The following CSF1R variants were observed in gnomAD, a reference collection of about 807,000 sequenced individuals.
CSF1R encodes macrophage colony-stimulating factor 1 receptor.
Under a neutral mutation model 110.0 loss-of-function variants are expected in CSF1R, and 40 were observed. The observed-to-expected ratio is 0.36, with a 90% CI of 0.28 to 0.47. The LOEUF (loss-of-function observed/expected upper bound fraction) is 0.47, where lower values mean the gene tolerates loss of function less well. CSF1R is among the 20% of genes least tolerant of loss of function. The pLI, the probability that CSF1R is intolerant of heterozygous loss-of-function variation, is 0.99. For missense variants in CSF1R, 1,052 were observed against 1,253.0 expected, an observed-to-expected ratio of 0.84 and a Z score of 2.42; for synonymous variants, 523 against 503.4, an observed-to-expected ratio of 1.04 and a Z score of -0.52.
At chr5:150,094,322 G>A (rs1182748127) in intron 1 of CSF1R, 5 of 1,597,392 alleles carry the variant, frequency 3.1e-6, no homozygotes, top group African/African-American at 1.3e-5. Flanking sequence ...TAGAAGAGAA[G>A]AAGAAGGAGG....
rs763207378 is a variant in CSF1R, at chr5:150,059,718, T to G, written c.2114A>C (p.Glu705Ala). ...GGGCTACCTGCGGACATATTTCTTC[T>G]CGAGGTGGATGTTCTTATAGTCGAC... ...GGVDYKNIHL[E>A]KKYVRRDSGF... Residue 705 changes from glutamate (E) to alanine (A), a missense_variant, in exon 14 of 21, where the codon GAG (glutamate) becomes GCG (alanine). Physicochemically the swap from Glu to Ala is moderately radical, Grantham distance 107. This residue lies in a region of CSF1R where 124 missense variants were observed against 117.7 expected (regional missense o/e 1.05). Coordinates refer to ENST00000675795, the MANE Select transcript of CSF1R (RefSeq NM_001288705.3). The G allele has an allele frequency of 6.2e-7, 1 of 1,613,972 alleles. No homozygotes were observed. The highest frequency in any genetic ancestry group is 8.5e-7 in the Non-Finnish European group (1 of 1,179,858).
rs1244467205 is a variant in CSF1R at position 150,080,271 on chromosome 5, G to A, written c.373C>T (p.Leu125=). The A allele has an allele frequency of 6.2e-7, 1 of 1,614,042 alleles. No homozygotes were observed. The highest frequency in any genetic ancestry group is 8.5e-7 in the Non-Finnish European group (1 of 1,180,050). ...ACCGGGTCTGTGAGCAGACAGGGCAGTAGTGCGTCCTGGTCCTCGAACACG... is the reference window on the plus strand; with the variant it reads ...ACCGGGTCTGTGAGCAGACAGGGCAATAGTGCGTCCTGGTCCTCGAACACG... ...VVVFEDQDAL[L]PCLLTDPVLE... The change falls in exon 3 of 21, where the codon CTG becomes TTG. Residue 125 remains leucine (L), a synonymous_variant. Coordinates refer to ENST00000675795, the MANE Select transcript of CSF1R (RefSeq NM_001288705.3).
At chr5:150,074,914 C>A (rs1758197987) in intron 5 of CSF1R, among the ~76,000 whole-genome samples, 1 of 152,196 alleles carries the variant, frequency 6.6e-6, no homozygotes, top group Admixed American at 6.5e-5. Context: ...TCATTCCAAC[C>A]TTGGAGGTTT....
intron 6 of CSF1R, among the ~76,000 whole-genome samples, chr5:150,072,902 T>G (rs1408274994): frequency 6.6e-6 from 1 of 152,196 alleles, no homozygotes; most frequent in African/African-American, 2.4e-5. Flanking sequence ...AGCTTTTGTA[T>G]GTAGCAGATA....
chr5:150,093,971 G>C (rs1424358455), intron 1 of CSF1R, among the ~76,000 whole-genome samples: 2 of 151,756 alleles, frequency 1.3e-5, no homozygotes, highest in Non-Finnish European at 2.9e-5. Flanking sequence ...GCTGAGGCAG[G>C]AGAAGTGCTT....
rs908304336 is a variant in CSF1R, at chr5:150,060,142, A to T, written c.1970-280T>A. Among the ~76,000 whole-genome samples the T allele has an allele frequency of 2.6e-5, 4 of 152,036 alleles. No individual in the cohort carries two copies. In the East Asian group the frequency reaches 7.7e-4, roughly 29 times the overall value. Reference sequence around the variant, plus strand: ...GGAGATCGAGACCATCCTGGCTAACATGGTGAAACCCCATCTCTACAAAAA... The same window carrying T: ...GGAGATCGAGACCATCCTGGCTAACTTGGTGAAACCCCATCTCTACAAAAA... On this transcript the variant is annotated intron_variant, in intron 13 of 20. Coordinates refer to ENST00000675795, the MANE Select transcript of CSF1R (RefSeq NM_001288705.3).
rs1176873652 is a variant in CSF1R at position 150,062,339 on chromosome 5, A to T, written c.1627-490T>A. Among the ~76,000 whole-genome samples, 2 of 146,758 alleles carry T rather than the reference A, an allele frequency of 1.4e-5. 1 individual carries two copies. Among genetic ancestry groups the T allele is most frequent in the East Asian group, 3.9e-4 (2 of 5,074 alleles). On this transcript the variant is annotated intron_variant, in intron 10 of 20. Coordinates refer to ENST00000675795, the MANE Select transcript of CSF1R (RefSeq NM_001288705.3). ...TGTATGGTTCAGTAGTATTAAGTAA[A>T]TTACATTCTACCTTGTGCAACCAGT...
chr5:150,070,066 G>C lies in CSF1R; in HGVS notation c.1320-3C>G. Reference sequence around the variant, plus strand: ...GCAGCACTTGGGCCTCATCACACCTGGCAAAAGCAGAATGTGGCTCAGAGC... The same window carrying C: ...GCAGCACTTGGGCCTCATCACACCTCGCAAAAGCAGAATGTGGCTCAGAGC... On this transcript the variant is annotated splice_region_variant and splice_polypyrimidine_tract_variant and intron_variant, in intron 8 of 20. Transcript: ENST00000675795. 1 of 1,613,148 alleles carries C rather than the reference G, an allele frequency of 6.2e-7. No homozygotes were observed. Among genetic ancestry groups the C allele is most frequent in the Non-Finnish European group, 8.5e-7 (1 of 1,179,344 alleles).
At position 150,054,041 on chromosome 5, in the gene CSF1R, G is replaced by T. The variant is rs1451811067; in HGVS notation, c.*28C>A. 3 of 1,610,386 alleles carry T rather than the reference G, an allele frequency of 1.9e-6. No homozygotes were observed. Among genetic ancestry groups the T allele is most frequent in the Admixed American group, 3.3e-5 (2 of 59,878 alleles). ...GGAGGAGTTGAAGTTTGTGGGAGGG[G>T]AGAGTGGTACTCCCTGTCGTCAACT... is the stretch of plus-strand genomic sequence containing the variant. On this transcript the variant is annotated 3_prime_UTR_variant, in exon 21 of 21. Coordinates refer to ENST00000675795, the MANE Select transcript of CSF1R (RefSeq NM_001288705.3).
rs150988615 is a variant in CSF1R, at chr5:150,070,184, A to G, written c.1317T>C (p.Asp439=). 70 of 1,613,728 alleles carry G rather than the reference A, an allele frequency of 4.3e-5. 1 individual carries two copies. The African/African-American group carries it at 7.6e-4, about 18-fold the overall frequency. ...VTWLQCSGHT[D]RCDEAQVLQV... ...GGAGGTGAGTGGAGCCCACTTACCT[A>G]TCAGTGTGGCCACTGCACTGCAGCC... Residue 439 remains aspartate (D), a splice_region_variant and synonymous_variant, in exon 8 of 21, where the codon GAT becomes GAC. Coordinates refer to ENST00000675795, the MANE Select transcript of CSF1R (RefSeq NM_001288705.3).
chr5:150,053,783 T>G lies in CSF1R; in HGVS notation c.*286A>C, dbSNP rs1324833220. The G allele has an allele frequency of 1.9e-6, 1 of 517,372 alleles. No homozygotes were observed. Among genetic ancestry groups the G allele is most frequent in the African/African-American group, 1.9e-5 (1 of 52,260 alleles). The allele number at this position is 517,372 out of a possible 1,614,324, so 32.0% of individuals were successfully genotyped here. ...AGATAAGGGGATTAGGAAAGAAGGT[T>G]CTACTAGTTGGCATAGCAAACACGA... is the stretch of plus-strand genomic sequence containing the variant. On this transcript the variant is annotated 3_prime_UTR_variant, in exon 21 of 21. Transcript: ENST00000675795.
chr5:150,073,125 C>T (rs1758097239), intron 6 of CSF1R, among the ~76,000 whole-genome samples, 176 bp downstream of exon 6: 1 of 152,180 alleles, frequency 6.6e-6, no homozygotes, highest in Non-Finnish European at 1.5e-5. Context: ...AGATCTCAAA[C>T]ACAGATGACC....
In CSF1R at chr5:150,070,026, G is replaced by C; in HGVS notation, c.1357C>G (p.Pro453Ala). 6.2e-7 allele frequency: 1 copy of C among 1,614,086 alleles called. No individual in the cohort carries two copies. Residue 453 changes from proline (P) to alanine (A), a missense_variant, in exon 9 of 21, where the codon CCA (proline) becomes GCA (alanine). Physicochemically the swap from Pro to Ala is conservative, Grantham distance 27. Around this residue, in one of 5 missense-constraint regions of CSF1R, gnomAD observed 693 missense variants for 735.4 expected, o/e 0.94. Transcript: ENST00000675795. ...EAQVLQVWDD[P>A]YPEVLSQEPF... is the part of the protein sequence containing the mutation. The stretch of plus-strand genomic sequence containing the variant: ...TCCTGGCTCAGGACCTCAGGGTATG[G>C]GTCATCCCAGACCTGCAGCACTTGG...
At chr5:150,059,216 G>T (rs1757385713) in intron 14 of CSF1R, among the ~76,000 whole-genome samples, 1 of 152,104 alleles carries the variant, frequency 6.6e-6, no homozygotes, top group South Asian at 2.1e-4. Context: ...GGCTAATTTT[G>T]TATATTTAAT....
upstream of CSF1R, among the ~76,000 whole-genome samples, chr5:150,087,101 G>T (rs537886755): frequency 1.3e-5 from 2 of 152,282 alleles, no homozygotes; most frequent in African/African-American, 4.8e-5. Context: ...GAGATCTGAC[G>T]TTATCTCTAG....
rs1292557169 is a variant in CSF1R at position 150,068,310 on chromosome 5, C to G, written c.1531G>C (p.Asp511His). Reference sequence around the variant, plus strand: ...ACCACTGGTGTGAAGAGGAACTCATCCGGGGGATGCGTGTGGGCTCCTGGA... The same window carrying G: ...ACCACTGGTGTGAAGAGGAACTCATGCGGGGGATGCGTGTGGGCTCCTGGA... ...ISAGAHTHPP[D>H]EFLFTPVVVA... Residue 511 changes from aspartate to histidine, a missense_variant, in exon 10 of 21, where the codon GAT becomes CAT. Transcript: ENST00000675795. The G allele has an allele frequency of 6.2e-7, 1 of 1,612,804 alleles. No homozygotes were observed. Among genetic ancestry groups the G allele is most frequent in the Admixed American group, 1.7e-5 (1 of 59,998 alleles).
At chr5:150,101,454 T>TA (rs1759400692) in intron 1 of CSF1R, among the ~76,000 whole-genome samples, 3 of 152,116 alleles carry the variant, frequency 2.0e-5, no homozygotes, top group African/African-American at 7.2e-5. Context: ...AGCTAACTGA[T>TA]AGAGTGAGCT....
rs1355030170 is a variant in CSF1R at position 150,056,716 on chromosome 5, G to T, written c.2320-375C>A. 7.2e-5 allele frequency among the ~76,000 whole-genome samples: 11 copies of T among 152,138 alleles called. No homozygotes were observed. The East Asian group carries it at 2.1e-3, about 29-fold the overall frequency. On this transcript the variant is annotated intron_variant, in intron 16 of 20. Coordinates refer to ENST00000675795, the MANE Select transcript of CSF1R (RefSeq NM_001288705.3). ...TCTGCCAGGCCCTTCCCTAAACTCT[G>T]CACACATTGAACCCTTTTTCTTTTC... is the stretch of plus-strand genomic sequence containing the variant.
upstream of CSF1R, among the ~76,000 whole-genome samples, chr5:150,088,704 T>C (rs773947917): frequency 2.0e-4 from 31 of 152,120 alleles, no homozygotes; most frequent in Admixed American, 3.3e-4. Flanking sequence ...CAGCTAATTT[T>C]TGTATTTTTA....
Sources: gnomAD v4.1 joint callset for allele counts (sites outside exome capture counted in the v4.1 genomes callset) on GRCh38, gnomAD v4.1.1 for gene constraint, gnomAD v4.1.1 regional missense constraint, MANE v1.5 for transcripts, NCBI Gene and HGNC (gene_info 2026-07-23, HGNC 2026-07-21) for gene names.